CENPM: variants seen among roughly 807,000 people sequenced by gnomAD.
CENPM encodes centromere protein M.
In CENPM, 14 loss-of-function variants were observed where a neutral mutation model predicts 19.6. The ratio of observed to expected loss-of-function variants is 0.71; its 90% CI spans 0.47 to 1.11. CENPM has a LOEUF of 1.11. Ranked by LOEUF, CENPM falls within the 50% of genes most tolerant of loss-of-function variation. CENPM has a pLI of 0.00. For missense variants in CENPM, 239 were observed against 228.4 expected, an observed-to-expected ratio of 1.05 and a Z score of -0.30; for synonymous variants, 114 against 101.5, an observed-to-expected ratio of 1.12 and a Z score of -0.74.
chr22:41,928,233 T>C, the CENPM span: 4 of 347,364 alleles, frequency 1.2e-5, no homozygotes, highest in South Asian at 9.8e-5. The surrounding 1 kb of genome is among the most constrained non-coding windows in gnomAD (Gnocchi z 4.0). Context: ...GCTCCTTTTC[T>C]CCAGGGCTAT....
Position 41,945,304 on chromosome 22 carries a change from A to G in CENPM, c.231T>C (p.Ser77=), listed in dbSNP as rs7293091. 0.22 allele frequency: 356,819 copies of G among 1,613,508 alleles called. 44,486 individuals carry two copies. Among genetic ancestry groups the G allele is most frequent in the Admixed American group, 0.48 (28,703 of 59,950 alleles). Reference sequence around the variant, plus strand: ...GCAGGGACTCCTCTGTGTTCTGGAGACTGGGGTGGCCAGGCCAGGGTGAGA... The same window carrying G: ...GCAGGGACTCCTCTGTGTTCTGGAGGCTGGGGTGGCCAGGCCAGGGTGAGA... ...VFVVNLHSKY[S]LQNTEESLRH... is the part of the protein sequence containing the mutation. The change falls in exon 4 of 6, where the codon AGT becomes AGC. Residue 77 remains serine (S), a splice_region_variant and synonymous_variant. Coordinates refer to ENST00000215980, the MANE Select transcript of CENPM (RefSeq NM_024053.5).
chr22:41,946,921 C>T, intron 1 of CENPM, 99 bp downstream of exon 1: 2 of 1,236,804 alleles, frequency 1.6e-6, no homozygotes, highest in Non-Finnish European at 2.4e-6. Context: ...CACGGTAGCG[C>T]GCGCTGGCTT....
At chr22:41,945,109 G>T (rs758601735) in intron 4 of CENPM, 116 bp downstream of exon 4, 2 of 1,563,800 alleles carry the variant, frequency 1.3e-6, no homozygotes, top group African/African-American at 2.7e-5. Context: ...ATAGGCCCCA[G>T]TGTGTGTAAA....
chr22:41,928,125 C>G, the CENPM span: 2 of 384,720 alleles, frequency 5.2e-6, no homozygotes, highest in Admixed American at 6.0e-5. The surrounding 1 kb of genome is among the most constrained non-coding windows in gnomAD (Gnocchi z 4.0). Flanking sequence ...CTGGGGGACA[C>G]GAGGGAGCCA....
chr22:41,943,801 C>G, intron 4 of CENPM, 100 bp from the exon 5 acceptor site: 3 of 1,012,890 alleles, frequency 3.0e-6, no homozygotes, highest in South Asian at 1.6e-5. Context: ...CTCTGGGGCT[C>G]AGTTTCTTTC....
At chr22:41,936,655 G>A (rs1226920241), downstream of CENPM, among the ~76,000 whole-genome samples, 1 of 152,190 alleles carries the variant, frequency 6.6e-6, no homozygotes, top group East Asian at 1.9e-4. Context: ...GGCCGGCCGC[G>A]GTGACTCTCA....
At chr22:41,941,384 G>T (rs1015845388) in intron 5 of CENPM, among the ~76,000 whole-genome samples, 1 of 152,194 alleles carries the variant, frequency 6.6e-6, no homozygotes, top group African/African-American at 2.4e-5. Context: ...CTCCTGCTGC[G>T]GCGGGAACCA....
intron 5 of CENPM, among the ~76,000 whole-genome samples, chr22:41,939,882 G>GAA (rs1569425925): frequency 6.9e-5 from 8 of 116,392 alleles, no homozygotes; most frequent in African/African-American, 1.7e-4. Flanking sequence ...GAAAGAAAAA[G>GAA]AAAGAAAGAA....
At chr22:41,942,058 T>A (rs1050342147) in intron 5 of CENPM, among the ~76,000 whole-genome samples, 1 of 152,198 alleles carries the variant, frequency 6.6e-6, no homozygotes, top group Non-Finnish European at 1.5e-5. Context: ...TGGTCACAGA[T>A]CATGTGCTGA....
chr22:41,931,314 T>A, the CENPM span, among the ~76,000 whole-genome samples: 20,376 of 140,364 alleles, frequency 0.15, 2,039 homozygotes, highest in African/African-American at 0.31. Flanking sequence ...ATAAGAAATT[T>A]AAAAAAAAAA....
At chr22:41,934,652 G>A (rs1030328299), downstream of CENPM, among the ~76,000 whole-genome samples, 10 of 152,212 alleles carry the variant, frequency 6.6e-5, no homozygotes, top group African/African-American at 2.4e-4. Context: ...GGGCAGCATA[G>A]CAAGACCCCA....
chr22:41,945,106 C>T (rs2077783161), intron 4 of CENPM, 119 bp downstream of exon 4: 1 of 1,560,960 alleles, frequency 6.4e-7, no homozygotes, highest in Admixed American at 1.9e-5. Flanking sequence ...CCGATAGGCC[C>T]CAGTGTGTGT....
chr22:41,936,553 C>T (rs2077684676), downstream of CENPM, among the ~76,000 whole-genome samples: 1 of 152,182 alleles, frequency 6.6e-6, no homozygotes, highest in Admixed American at 6.5e-5. Flanking sequence ...GGGCCGCATC[C>T]CCGACACCTA....
At chr22:41,941,707 G>A (rs535013526) in intron 5 of CENPM, among the ~76,000 whole-genome samples, 20 of 152,360 alleles carry the variant, frequency 1.3e-4, no homozygotes, top group African/African-American at 4.6e-4. Flanking sequence ...AAAGCCTGGC[G>A]GGGCAGGCAC....
intron 4 of CENPM, chr22:41,944,493 C>G (rs2077777130): frequency 4.7e-6 from 1 of 211,212 alleles, no homozygotes. Context: ...TAGGTGTAAA[C>G]CTTGGCTCTA....
chr22:41,941,842 C>T (rs140836298), intron 5 of CENPM, among the ~76,000 whole-genome samples: 18 of 152,320 alleles, frequency 1.2e-4, no homozygotes, highest in Non-Finnish European at 1.8e-4. Context: ...GTATCATGAT[C>T]GATGCATCGA....
the CENPM span, among the ~76,000 whole-genome samples, chr22:41,930,068 C>T: frequency 2.0e-5 from 3 of 150,924 alleles, no homozygotes; most frequent in African/African-American, 4.9e-5. Context: ...CTCAGCCTCC[C>T]GAGTAGCTGG....
chr22:41,937,847 CCT>C (rs1491127270), downstream of CENPM, among the ~76,000 whole-genome samples: 5 of 152,042 alleles, frequency 3.3e-5, no homozygotes, highest in Admixed American at 1.3e-4. Flanking sequence ...CCGCCCCACT[CCT>C]TTTTTTTTCT....
chr22:41,933,997 A>T (rs1490696997), downstream of CENPM, among the ~76,000 whole-genome samples: 4 of 152,190 alleles, frequency 2.6e-5, no homozygotes, highest in Admixed American at 2.6e-4. Context: ...ACAAGACCTG[A>T]AAAGGGGGGC....
Sources: gnomAD v4.1 joint callset for allele counts (sites outside exome capture counted in the v4.1 genomes callset) on GRCh38, gnomAD v4.1.1 for gene constraint, Gnocchi (gnomAD v3.1) non-coding constraint, MANE v1.5 for transcripts, NCBI Gene and HGNC (gene_info 2026-07-23, HGNC 2026-07-21) for gene names.